Variants in GUSB observed in about 807,000 individuals in gnomAD.
GUSB encodes the protein glucuronidase beta, also known as beta-glucuronidase.
GUSB carries 51 observed loss-of-function variants against 74.6 expected under a neutral mutation model. The observed-to-expected ratio is 0.68, with a 90% CI of 0.55 to 0.86. The LOEUF is 0.86. Among genes scored for constraint, GUSB ranks in the 40% least tolerant of loss-of-function variants. GUSB has a pLI of 0.00. For missense variants in GUSB, 736 were observed against 853.7 expected (o/e 0.86, Z 1.72); for synonymous variants, 360 against 348.3 (o/e 1.03, Z -0.37).
At chr7:65,980,185 G>GGGCCCC in intron 2 of GUSB, 39 bp downstream of exon 2, 3 of 725,260 alleles carry the variant, frequency 4.1e-6, no homozygotes, top group East Asian at 2.7e-5. Flanking sequence ...CAGCAGCCGT[G>GGGCCCC]CCCCCCCACC....
chr7:65,973,074 T>A (rs1791320634), intron 8 of GUSB, among the ~76,000 whole-genome samples: 1 of 152,202 alleles, frequency 6.6e-6, no homozygotes, highest in Non-Finnish European at 1.5e-5. Flanking sequence ...TTCACACCTG[T>A]AATCCCAGCA....
chr7:65,968,564 G>A (rs748469366), intron 9 of GUSB, among the ~76,000 whole-genome samples: 1 of 152,152 alleles, frequency 6.6e-6, no homozygotes, highest in African/African-American at 2.4e-5. Context: ...CCGAGGGGCC[G>A]ATGCAGTCAT....
Position 65,960,939 on chromosome 7 carries a change from T to C in GUSB, c.1914A>G (p.Ser638=), listed in dbSNP as rs1790444687. ...KIANETRYPH[S]VAKSQCLENS... ...TTTCCAAACATTGTGACTTGGCTAC[T>C]GAGTGGGGATACCTGGTTTCATTGG... is the stretch of plus-strand genomic sequence containing the variant. Residue 638 remains serine (S), a synonymous_variant, in exon 12 of 12, where the codon TCA becomes TCG. Transcript: ENST00000304895. 1 of 1,613,982 alleles carries C rather than the reference T, an allele frequency of 6.2e-7. No individual in the cohort carries two copies. The highest frequency in any genetic ancestry group is 1.3e-5 in the African/African-American group (1 of 74,924).
intron 9 of GUSB, 61 bp from the exon 10 acceptor site, chr7:65,967,968 A>G (rs1790945920): frequency 7.3e-7 from 1 of 1,371,386 alleles, no homozygotes; most frequent in African/African-American, 1.4e-5. Context: ...CAGCATTCAC[A>G]CACTGCGGGG....
In GUSB at chr7:65,967,914, C is replaced by A; in HGVS notation, c.1477-7G>T. On this transcript the variant is annotated splice_region_variant and splice_polypyrimidine_tract_variant and intron_variant, in intron 9 of 11. Transcript: ENST00000304895. ...TCACATCCACATACGGAGCCTAGGA[C>A]CAGAGCAGCAGAGCCCGTTCAGCAC... is the stretch of plus-strand genomic sequence containing the variant. 1.3e-6 allele frequency: 2 copies of A among 1,599,068 alleles called. No individual in the cohort carries two copies. The highest frequency in any genetic ancestry group is 1.7e-6 in the Non-Finnish European group (2 of 1,179,128).
intron 11 of GUSB, 142 bp from the exon 12 acceptor site, chr7:65,961,205 G>A (rs1790474604): frequency 1.1e-5 from 9 of 808,880 alleles, no homozygotes; most frequent in Non-Finnish European, 1.8e-5. Context: ...CTGGAATGCG[G>A]TGACACAATC....
At chr7:65,980,601 G>A in intron 1 of GUSB, 192 bp from the exon 2 acceptor site, 2 of 629,508 alleles carry the variant, frequency 3.2e-6, no homozygotes, top group South Asian at 1.8e-5. Flanking sequence ...AGTGGGGCCA[G>A]GAGTTCCTCC....
At chr7:65,975,262 T>C in intron 5 of GUSB, 191 bp from the exon 6 acceptor site, 1 of 619,874 alleles carries the variant, frequency 1.6e-6, no homozygotes. Context: ...TGGCCTTCCC[T>C]TTGACAAGAC....
rs557977181 is a variant in GUSB, at chr7:65,977,586, C to T, written c.725-1384G>A. On this transcript the variant is annotated intron_variant, in intron 4 of 11. Transcript: ENST00000304895. ...TTTATTTTTTTCTTAGATAGGGTCT[C>T]AGTATGTTGCCCAGGCTGGTCTCAA... is the stretch of plus-strand genomic sequence containing the variant. Among the ~76,000 whole-genome samples the T allele has an allele frequency of 2.6e-5, 4 of 151,456 alleles. No individual in the cohort carries two copies. In the South Asian group the frequency reaches 8.3e-4, roughly 31 times the overall value.
intron 10 of GUSB, among the ~76,000 whole-genome samples, 166 bp downstream of exon 10, chr7:65,967,565 G>A (rs558826073): frequency 6.6e-6 from 1 of 152,182 alleles, no homozygotes; most frequent in African/African-American, 2.4e-5. Context: ...AGTGAGTGGG[G>A]CACAGGCCTG....
chr7:65,979,244 G>A (rs989607778), intron 4 of GUSB, 155 bp downstream of exon 4: 29 of 840,520 alleles, frequency 3.5e-5, no homozygotes, highest in Middle Eastern at 3.4e-4. Context: ...GCCCGTATCC[G>A]CTCACACAGG....
Position 65,974,293 on chromosome 7 carries a change from ACT to A in GUSB, c.1391_1391+1del. 6.2e-7 allele frequency: 1 copy of A among 1,613,758 alleles called. No homozygotes were observed. Among genetic ancestry groups the A allele is most frequent in the Non-Finnish European group, 8.5e-7 (1 of 1,179,918 alleles). On this transcript the variant is annotated splice_donor_variant and coding_sequence_variant, in exon 8 of 12. Coordinates refer to ENST00000304895, the MANE Select transcript of GUSB (RefSeq NM_000181.4). LOFTEE classifies it high-confidence loss of function. ...AGCCGAGGGCAGGGAGGGAGCACTCACTTCAAGTAGTAGCCAGCAGATTCTAG... is the reference window on the plus strand; with the variant it reads ...AGCCGAGGGCAGGGAGGGAGCACTCATCAAGTAGTAGCCAGCAGATTCTAG...
chr7:65,965,531 G>T (rs954160427), intron 10 of GUSB, among the ~76,000 whole-genome samples: 27 of 151,360 alleles, frequency 1.8e-4, no homozygotes, highest in East Asian at 1.9e-4. Context: ...TTGCAAGTTT[G>T]TTTTTTTTTA....
intron 4 of GUSB, among the ~76,000 whole-genome samples, chr7:65,978,754 G>A (rs1033558700): frequency 7.3e-5 from 11 of 151,468 alleles, no homozygotes; most frequent in Non-Finnish European, 1.3e-4. Flanking sequence ...CCTGGCGACA[G>A]AGCGAGACTC....
intron 11 of GUSB, among the ~76,000 whole-genome samples, chr7:65,963,736 G>A (rs982471887): frequency 1.3e-5 from 2 of 152,076 alleles, no homozygotes; most frequent in African/African-American, 4.8e-5. Context: ...TGTAGAGATG[G>A]GGTCTTGCTA....
intron 8 of GUSB, among the ~76,000 whole-genome samples, chr7:65,971,670 TGTA>T (rs1321528567): frequency 6.6e-6 from 1 of 150,688 alleles, no homozygotes; most frequent in East Asian, 2.0e-4. Context: ...AGGTAGAGGT[TGTA>T]GTGAGCCAAA....
chr7:65,967,592 G>T, intron 10 of GUSB, 139 bp downstream of exon 10: 1 of 756,966 alleles, frequency 1.3e-6, no homozygotes, highest in Non-Finnish European at 2.3e-6. Flanking sequence ...GGCGGTGAGG[G>T]AACGTGGACG....
intron 8 of GUSB, among the ~76,000 whole-genome samples, chr7:65,971,979 T>C (rs12670952): frequency 0.52 from 78,308 of 151,418 alleles, 21,181 homozygotes; most frequent in East Asian, 0.81. Flanking sequence ...GCAGAGGTTG[T>C]GGTGAGCCGA....
At position 65,981,857 on chromosome 7, in the gene GUSB, C is replaced by T. The variant is rs1024577885; in HGVS notation, c.210+117G>A. The T allele has an allele frequency of 2.1e-5, 20 of 935,714 alleles. No individual in the cohort carries two copies. In the South Asian group the frequency reaches 3.2e-4, roughly 15 times the overall value. 58.0% of individuals were successfully genotyped at this position (935,714 alleles called of 1,614,324 possible). On this transcript the variant is annotated intron_variant, in intron 1 of 11. Coordinates refer to ENST00000304895, the MANE Select transcript of GUSB (RefSeq NM_000181.4). The stretch of plus-strand genomic sequence containing the variant: ...CGCCCCCAAGCCCGTTGACCTTTAA[C>T]CTCCTGCGGGCCCCAGCTCGGAGAC...
Sources: allele counts gnomAD v4.1 joint callset (sites outside exome capture counted in the v4.1 genomes callset), GRCh38; gene constraint gnomAD v4.1.1; transcripts MANE v1.5; gene names NCBI Gene and HGNC (gene_info 2026-07-23, HGNC 2026-07-21).